HDAC11: variants seen among roughly 807,000 people sequenced by gnomAD.
HDAC11 encodes the protein histone deacetylase 11.
In HDAC11, 23 loss-of-function variants were observed where a neutral mutation model predicts 41.1. That is an observed-to-expected ratio of 0.56 (90% CI 0.40 to 0.79). HDAC11 has a LOEUF of 0.79. HDAC11 is among the 30% of genes least tolerant of loss of function. HDAC11 has a pLI of 0.00. For synonymous variants in HDAC11, 187 were observed against 186.6 expected, an observed-to-expected ratio of 1.00 and a Z score of -0.02; for missense variants, 402 against 477.3, an observed-to-expected ratio of 0.84 and a Z score of 1.47.
chr3:13,485,383 G>A (rs1281639803), intron 3 of HDAC11, among the ~76,000 whole-genome samples: 1 of 152,258 alleles, frequency 6.6e-6, no homozygotes, highest in African/African-American at 2.4e-5. Context: ...CCACAGCCTA[G>A]GGCTGGGCCA....
Position 13,481,227 on chromosome 3 carries a change from G to T in HDAC11, c.3-19G>T, listed in dbSNP as rs984140475. 1.2e-6 allele frequency: 2 copies of T among 1,609,848 alleles called. No homozygotes were observed. Among genetic ancestry groups the T allele is most frequent in the Non-Finnish European group, 1.7e-6 (2 of 1,178,684 alleles). ...CCGAGGCTGCCCCAGCTGTGCGTCT[G>T]TCTTTTTCCACACGGTAGGCTACAC... On this transcript the variant is annotated intron_variant, in intron 1 of 9. Coordinates refer to ENST00000295757, the MANE Select transcript of HDAC11 (RefSeq NM_024827.4).
At chr3:13,483,984 G>A (rs946665647) in intron 3 of HDAC11, among the ~76,000 whole-genome samples, 1 of 152,070 alleles carries the variant, frequency 6.6e-6, no homozygotes, top group Non-Finnish European at 1.5e-5. Flanking sequence ...TTGAAATGGA[G>A]TCTCACTCTG....
chr3:13,492,761 C>CACCAT (rs1701924955), intron 3 of HDAC11, among the ~76,000 whole-genome samples: 5 of 152,094 alleles, frequency 3.3e-5, no homozygotes, highest in Admixed American at 3.3e-4. Flanking sequence ...CCAGGCTGGT[C>CACCAT]GTGAACTCTG....
chr3:13,502,894 A>T lies in HDAC11; in HGVS notation c.563A>T (p.His188Leu). 6.2e-7 allele frequency: 1 copy of T among 1,613,476 alleles called. No homozygotes were observed. Among genetic ancestry groups the T allele is most frequent in the Non-Finnish European group, 8.5e-7 (1 of 1,179,844 alleles). Residue 188 changes from histidine to leucine, a missense_variant, in exon 8 of 10, where the codon CAT becomes CTT. Physicochemically the swap from His to Leu is moderately conservative, Grantham distance 99. Transcript: ENST00000295757. This position sits in a 1 kb window ranked among gnomAD's most constrained non-coding sequence, Gnocchi z 4.1. ...IDLDAHQGNG[H>L]ERDFMDDKRV... ...GTGACCTCCCCACAGGGCAATGGGCATGAGCGAGACTTCATGGACGACAAG... is the reference window on the plus strand; with the variant it reads ...GTGACCTCCCCACAGGGCAATGGGCTTGAGCGAGACTTCATGGACGACAAG...
At chr3:13,489,667 A>G (rs1366317763) in intron 3 of HDAC11, among the ~76,000 whole-genome samples, 1 of 150,968 alleles carries the variant, frequency 6.6e-6, no homozygotes, top group Non-Finnish European at 1.5e-5. Flanking sequence ...CCTGGGTTCA[A>G]GCAATTCTCC....
chr3:13,497,318 A>G lies in HDAC11; in HGVS notation c.369+466A>G, dbSNP rs111824915. On this transcript the variant is annotated intron_variant, in intron 4 of 9. Coordinates refer to ENST00000295757, the MANE Select transcript of HDAC11 (RefSeq NM_024827.4). ...CTCAGGCTCCTGAGTAGCTGGGACT[A>G]CAGGTGTTCGCCACCATGCCTGGCT... 6.6e-3 allele frequency among the ~76,000 whole-genome samples: 1,001 copies of G among 152,082 alleles called. 12 individuals carry two copies. The highest frequency in any genetic ancestry group is 0.023 in the African/African-American group (948 of 41,478).
intron 4 of HDAC11, 142 bp from the exon 5 acceptor site, chr3:13,498,371 T>C: frequency 9.6e-7 from 1 of 1,037,624 alleles, no homozygotes; most frequent in Non-Finnish European, 1.5e-6. Context: ...GAGTTCCTTC[T>C]ATACCCCTGC....
In HDAC11 at chr3:13,504,470, C is replaced by T. The variant is rs1379194373; in HGVS notation, c.831C>T (p.Gly277=). The change falls in exon 10 of 10, where the codon GGC becomes GGT. Residue 277 remains glycine (G), a splice_region_variant and synonymous_variant. Coordinates refer to ENST00000295757, the MANE Select transcript of HDAC11 (RefSeq NM_024827.4). ...RLGGLSISPA[G]IVKRDELVFR... ...TCACCCTCCTCTTCCCCTAACAGGGCATCGTGAAGCGGGATGAGCTGGTGT... is the reference window on the plus strand; with the variant it reads ...TCACCCTCCTCTTCCCCTAACAGGGTATCGTGAAGCGGGATGAGCTGGTGT... 37 of 1,613,222 alleles carry T rather than the reference C, an allele frequency of 2.3e-5. No homozygotes were observed. Among genetic ancestry groups the T allele is most frequent in the Non-Finnish European group, 3.1e-5 (37 of 1,180,016 alleles).
chr3:13,485,996 A>G (rs56664474), intron 3 of HDAC11, among the ~76,000 whole-genome samples: 42,146 of 152,018 alleles, frequency 0.28, 7,896 homozygotes, highest in East Asian at 0.59. Context: ...GGCCGGGTGC[A>G]GTGACTCATG....
At chr3:13,503,097 G>A (rs1049488727) in intron 8 of HDAC11, 117 bp downstream of exon 8, 8 of 708,132 alleles carry the variant, frequency 1.1e-5, no homozygotes, top group African/African-American at 1.8e-5. Context: ...TAGCATCCCT[G>A]TGAGGTGATC....
chr3:13,505,865 T>G lies in HDAC11; in HGVS notation c.*1182T>G, dbSNP rs1196316206. On this transcript the variant is annotated 3_prime_UTR_variant, in exon 10 of 10. Transcript: ENST00000295757. ...GGGACATTCAGGGACCTCCAGGAAG[T>G]GGGCGGGGGAGCATCCACCCCTGCT... The G allele has an allele frequency of 6.6e-6, 1 of 152,212 alleles. No individual in the cohort carries two copies. Among genetic ancestry groups the G allele is most frequent in the Non-Finnish European group, 1.5e-5 (1 of 68,064 alleles). The allele number at this position is 152,212 out of a possible 1,614,324, so 9.4% of individuals were successfully genotyped here. A position where few individuals can be genotyped will look rare whatever the true frequency, so the allele number is the denominator to read the frequency against.
At chr3:13,482,970 T>C (rs866235314) in intron 2 of HDAC11, among the ~76,000 whole-genome samples, 3 of 151,826 alleles carry the variant, frequency 2.0e-5, no homozygotes, top group African/African-American at 7.3e-5. Context: ...AGGCTGGTCT[T>C]GAACTCCTGG....
At chr3:13,487,080 T>C (rs1701630601) in intron 3 of HDAC11, among the ~76,000 whole-genome samples, 1 of 152,126 alleles carries the variant, frequency 6.6e-6, no homozygotes, top group Non-Finnish European at 1.5e-5. Flanking sequence ...AGTGTATATG[T>C]TGTTCCAGGG....
At position 13,481,319 on chromosome 3, in the gene HDAC11, A is replaced by G. The variant is rs750935116; in HGVS notation, c.76A>G (p.Ile26Val). ...AATCGTGTACTCGCCGCGCTACAACATCACCTTCATGGGCCTGGAGAAGCT... is the reference window on the plus strand; with the variant it reads ...AATCGTGTACTCGCCGCGCTACAACGTCACCTTCATGGGCCTGGAGAAGCT... Reference protein sequence around the residue: ...WPIVYSPRYNITFMGLEKLHP... With the variant: ...WPIVYSPRYNVTFMGLEKLHP... The change falls in exon 2 of 10, where the codon ATC becomes GTC. Residue 26 changes from isoleucine to valine, a missense_variant. Coordinates refer to ENST00000295757, the MANE Select transcript of HDAC11 (RefSeq NM_024827.4). 6.2e-7 allele frequency: 1 copy of G among 1,613,768 alleles called. No homozygotes were observed. The highest frequency in any genetic ancestry group is 1.1e-5 in the South Asian group (1 of 91,056).
At chr3:13,481,012 AGCCTCTG>A in intron 1 of HDAC11, 2 of 558,020 alleles carry the variant, frequency 3.6e-6, no homozygotes, top group Non-Finnish European at 6.4e-6. Context: ...CTGCTCTCTG[AGCCTCTG>A]GTGCGATTGT....
chr3:13,486,571 GTTTTTTTTTTTTT>G (rs767002835), intron 3 of HDAC11, among the ~76,000 whole-genome samples: 2 of 83,046 alleles, frequency 2.4e-5, no homozygotes, highest in Admixed American at 3.3e-4. Flanking sequence ...ATGTAGAGGT[GTTTTTTTTTTTTT>G]TTTTTTTTTT....
In HDAC11 at chr3:13,482,049, G is replaced by A. The variant is rs368109129; in HGVS notation, c.151+655G>A. Among the ~76,000 whole-genome samples, 42 of 152,332 alleles carry A rather than the reference G, an allele frequency of 2.8e-4. 4 individuals carry two copies. The South Asian group carries it at 3.7e-3, about 14-fold the overall frequency. The stretch of plus-strand genomic sequence containing the variant: ...AACTGGGCACACTGGCTGCCTGCTT[G>A]TGACCTCTTTCCAGGGAAGGACACA... On this transcript the variant is annotated intron_variant, in intron 2 of 9. Coordinates refer to ENST00000295757, the MANE Select transcript of HDAC11 (RefSeq NM_024827.4).
At position 13,480,317 on chromosome 3, in the gene HDAC11, T is replaced by G. The variant is rs2124996190; in HGVS notation, c.-31T>G. ...GCCCCGCCCCGCCCGGTCGCGGAGC[T>G]GCGGCCAGCTTTGGGAGGGCCGGCC... is the stretch of plus-strand genomic sequence containing the variant. On this transcript the variant is annotated 5_prime_UTR_variant, in exon 1 of 10. Coordinates refer to ENST00000295757, the MANE Select transcript of HDAC11 (RefSeq NM_024827.4). The surrounding 1 kb of genome is among the most constrained non-coding windows in gnomAD (Gnocchi z 4.6). 1.6e-6 allele frequency: 2 copies of G among 1,233,084 alleles called. No individual in the cohort carries two copies. Among genetic ancestry groups the G allele is most frequent in the East Asian group, 3.2e-5 (1 of 30,980 alleles). The allele number at this position is 1,233,084 out of a possible 1,614,324, so 76.4% of individuals were successfully genotyped here.
chr3:13,498,423 C>G, intron 4 of HDAC11, 90 bp from the exon 5 acceptor site: 1 of 1,503,804 alleles, frequency 6.6e-7, no homozygotes, highest in Non-Finnish European at 9.2e-7. Flanking sequence ...TGGCTAGAAG[C>G]AGTGTTTATG....
Sources: allele counts gnomAD v4.1 joint callset (sites outside exome capture counted in the v4.1 genomes callset), GRCh38; gene constraint gnomAD v4.1.1; non-coding constraint Gnocchi (gnomAD v3.1); transcripts MANE v1.5; gene names NCBI Gene and HGNC (gene_info 2026-07-23, HGNC 2026-07-21).